Variants in TAB2 observed in about 807,000 individuals in gnomAD.
TAB2 encodes TGF-beta activated kinase 1 (MAP3K7) binding protein 2, also known as TGF-beta-activated kinase 1 and MAP3K7-binding protein 2.
Under a neutral mutation model 65.0 loss-of-function variants are expected in TAB2, and 3 were observed. The ratio of observed to expected loss-of-function variants is 0.05; its 90% confidence interval spans 0.02 to 0.12. The LOEUF is 0.12. TAB2 is among the 10% of genes least tolerant of loss of function. The pLI is 1.00. For missense variants in TAB2, 623 were observed against 840.3 expected (o/e 0.74, Z 3.20); for synonymous variants, 298 against 285.1 (o/e 1.05, Z -0.46).
intron 1 of TAB2, among the ~76,000 whole-genome samples, chr6:149,289,517 G>C (rs1245036568): frequency 6.6e-6 from 1 of 152,182 alleles, no homozygotes; most frequent in Non-Finnish European, 1.5e-5. Flanking sequence ...AGCTCAACAG[G>C]TGTTTCCCAC....
chr6:149,392,903 G>A (rs549308881), intron 3 of TAB2, among the ~76,000 whole-genome samples: 1 of 152,132 alleles, frequency 6.6e-6, no homozygotes. Flanking sequence ...CAAATATTGG[G>A]TGTTATTTTG....
At chr6:149,366,452 T>G (rs1335618809) in intron 1 of TAB2, among the ~76,000 whole-genome samples, 1 of 152,178 alleles carries the variant, frequency 6.6e-6, no homozygotes, top group Non-Finnish European at 1.5e-5. Context: ...AGCTTTCAGC[T>G]GTTATGATCA....
At chr6:149,388,453 T>A (rs1205338175) in intron 3 of TAB2, among the ~76,000 whole-genome samples, 1 of 152,216 alleles carries the variant, frequency 6.6e-6, no homozygotes, top group Admixed American at 6.5e-5. Context: ...AATTTCAATT[T>A]TGAGGCTCTC....
chr6:149,353,679 G>A (rs1205036068), intron 1 of TAB2, among the ~76,000 whole-genome samples: 4 of 152,108 alleles, frequency 2.6e-5, no homozygotes, highest in Non-Finnish European at 5.9e-5. Context: ...AATGGTCCAC[G>A]TACAAAAAAC....
chr6:149,393,628 A>G (rs1195034379), intron 3 of TAB2, among the ~76,000 whole-genome samples: 5 of 152,196 alleles, frequency 3.3e-5, no homozygotes, highest in Non-Finnish European at 7.3e-5. Context: ...TTGTTTTGAT[A>G]GAAACATTAG....
chr6:149,239,845 G>A (rs1034189135), intron 1 of TAB2, among the ~76,000 whole-genome samples: 1 of 152,168 alleles, frequency 6.6e-6, no homozygotes, highest in Non-Finnish European at 1.5e-5. Context: ...TCTTCGCAGA[G>A]ATGATAGCCT....
At chr6:149,252,007 T>A (rs1159879823) in intron 1 of TAB2, among the ~76,000 whole-genome samples, 1 of 152,232 alleles carries the variant, frequency 6.6e-6, no homozygotes, top group East Asian at 1.9e-4. Context: ...AGGAATAATT[T>A]ATCCTTAAGG....
At chr6:149,400,201 C>A in intron 6 of TAB2, 1 of 606,524 alleles carries the variant, frequency 1.6e-6, no homozygotes, top group Non-Finnish European at 2.9e-6. Flanking sequence ...CTGGCAGCAG[C>A]CAATGGGAGG....
chr6:149,241,784 A>T (rs1270269348), intron 1 of TAB2, among the ~76,000 whole-genome samples: 1 of 152,186 alleles, frequency 6.6e-6, no homozygotes, highest in African/African-American at 2.4e-5. Context: ...TTGAATATAT[A>T]CCTAGCCACC....
In TAB2 at chr6:149,269,204, G is replaced by A. The variant is rs539690543; in HGVS notation, c.-121+50428G>A. On this transcript the variant is annotated intron_variant, in intron 1 of 1. Coordinates refer to the TAB2 transcript ENST00000606202. Reference sequence around the variant, plus strand: ...GCTGTTTCATTAGCCTTTGTGCTGCGAATAAAATGATACATCCTTTGAGTA... The same window carrying A: ...GCTGTTTCATTAGCCTTTGTGCTGCAAATAAAATGATACATCCTTTGAGTA... 3.9e-5 allele frequency among the ~76,000 whole-genome samples: 6 copies of A among 152,236 alleles called. No homozygotes were observed. The East Asian group carries it at 7.7e-4, about 20-fold the overall frequency.
intron 1 of TAB2, among the ~76,000 whole-genome samples, chr6:149,298,241 A>G (rs1778911928): frequency 6.6e-6 from 1 of 152,222 alleles, no homozygotes; most frequent in Admixed American, 6.5e-5. Flanking sequence ...TCAGAATGGC[A>G]TCTTTGGGAA....
At chr6:149,302,150 T>G (rs1458470929) in intron 1 of TAB2, among the ~76,000 whole-genome samples, 1 of 152,230 alleles carries the variant, frequency 6.6e-6, no homozygotes, top group African/African-American at 2.4e-5. Flanking sequence ...GCAGACACTG[T>G]CATTTTCCCA....
intron 1 of TAB2, among the ~76,000 whole-genome samples, chr6:149,333,233 C>G (rs760875978): frequency 2.0e-5 from 3 of 152,186 alleles, no homozygotes; most frequent in Non-Finnish European, 4.4e-5. Flanking sequence ...CTTTCTGATG[C>G]TTCCAAACAA....
chr6:149,256,484 C>T (rs1778037255), intron 1 of TAB2, among the ~76,000 whole-genome samples: 1 of 152,168 alleles, frequency 6.6e-6, no homozygotes, highest in Non-Finnish European at 1.5e-5. Flanking sequence ...ATGTTCTCCC[C>T]TTTCTTTATA....
At chr6:149,393,951 T>C (rs1782083407) in intron 3 of TAB2, among the ~76,000 whole-genome samples, 1 of 152,160 alleles carries the variant, frequency 6.6e-6, no homozygotes, top group African/African-American at 2.4e-5. Flanking sequence ...TGTTTTAGCA[T>C]TATTTGGTGA....
Position 149,371,097 on chromosome 6 carries a change from G to A in TAB2, c.102+998G>A, listed in dbSNP as rs970058883. Among the ~76,000 whole-genome samples, 21 of 147,352 alleles carry A rather than the reference G, an allele frequency of 1.4e-4. No homozygotes were observed. In the East Asian group the frequency reaches 2.8e-3, roughly 19 times the overall value. ...AAAAAAAAAAAAAAAAAAAGTGTCCGGGGCTCAGTCAAGCATATTTACTCT... is the reference window on the plus strand; with the variant it reads ...AAAAAAAAAAAAAAAAAAAGTGTCCAGGGCTCAGTCAAGCATATTTACTCT... On this transcript the variant is annotated intron_variant, in intron 2 of 6. Coordinates refer to ENST00000637181, the MANE Select transcript of TAB2 (RefSeq NM_001292034.3).
intron 1 of TAB2, among the ~76,000 whole-genome samples, chr6:149,293,171 T>C (rs148645032): frequency 3.3e-5 from 5 of 152,326 alleles, no homozygotes; most frequent in African/African-American, 1.2e-4. Flanking sequence ...TTTCTTCCTC[T>C]TTTTAGAATT....
chr6:149,269,632 G>A (rs1778323921), intron 1 of TAB2, among the ~76,000 whole-genome samples: 1 of 152,002 alleles, frequency 6.6e-6, no homozygotes, highest in African/African-American at 2.4e-5. Context: ...ACCATTGATT[G>A]GTTATCTGTC....
chr6:149,306,006 T>C (rs1779059891), intron 1 of TAB2, among the ~76,000 whole-genome samples: 2 of 152,254 alleles, frequency 1.3e-5, no homozygotes, highest in Non-Finnish European at 2.9e-5. Flanking sequence ...TCCCTTTTTC[T>C]GTAATTCATG....
Sources: gnomAD v4.1 joint callset for allele counts (sites outside exome capture counted in the v4.1 genomes callset) on GRCh38, gnomAD v4.1.1 for gene constraint, MANE v1.5 for transcripts, NCBI Gene and HGNC (gene_info 2026-07-23, HGNC 2026-07-21) for gene names.